The following RASA3 variants were observed in gnomAD, a reference collection of about 807,000 sequenced individuals.
The protein encoded by RASA3 is RAS p21 protein activator 3.
RASA3 carries 73 observed loss-of-function variants against 110.0 expected under a neutral mutation model. The observed-to-expected ratio is 0.66, with a 90% CI of 0.55 to 0.81. RASA3 has a LOEUF of 0.81. RASA3 is among the 30% of genes least tolerant of loss of function. The pLI, the probability that RASA3 is intolerant of heterozygous loss-of-function variation, is 0.00. For synonymous variants in RASA3, 500 were observed against 451.4 expected, an observed-to-expected ratio of 1.11 and a Z score of -1.37; for missense variants, 976 against 1,113.2, an observed-to-expected ratio of 0.88 and a Z score of 1.75.
intron 2 of RASA3, among the ~76,000 whole-genome samples, chr13:114,060,323 T>C (rs577657108): frequency 1.3e-5 from 2 of 152,232 alleles, no homozygotes; most frequent in Non-Finnish European, 2.9e-5. Flanking sequence ...TGCAAGACAC[T>C]GGATGGACGG....
chr13:114,110,185 T>C (rs2080198201), intron 1 of RASA3, among the ~76,000 whole-genome samples: 1 of 151,914 alleles, frequency 6.6e-6, no homozygotes, highest in Admixed American at 6.5e-5. Context: ...AAACAAAAAA[T>C]CTAAGTCAGT....
At chr13:114,049,528 A>G (rs2079108290) in intron 3 of RASA3, among the ~76,000 whole-genome samples, 1 of 152,258 alleles carries the variant, frequency 6.6e-6, no homozygotes, top group Non-Finnish European at 1.5e-5. Flanking sequence ...AAAATTTTTT[A>G]AATTTCTTTT....
At chr13:114,098,865 G>A (rs2079982328) in intron 1 of RASA3, among the ~76,000 whole-genome samples, 1 of 152,188 alleles carries the variant, frequency 6.6e-6, no homozygotes, top group Non-Finnish European at 1.5e-5. Context: ...CTTTGCTTCA[G>A]CAGCACAAGA....
At chr13:114,102,408 G>A (rs866510045) in intron 1 of RASA3, among the ~76,000 whole-genome samples, 1 of 152,100 alleles carries the variant, frequency 6.6e-6, no homozygotes, top group South Asian at 2.1e-4. Flanking sequence ...ACGGTGAGAG[G>A]GAGAGGGACA....
chr13:114,017,370 G>A lies in RASA3; in HGVS notation c.1092-19C>T. On this transcript the variant is annotated intron_variant, in intron 11 of 23. Transcript: ENST00000334062. ...GGGGTCCCTGGGAAATGGCGATGGG[G>A]ACAGCGTTTGTCTCCTGGGGACGCG... The A allele has an allele frequency of 1.9e-6, 3 of 1,595,744 alleles. No homozygotes were observed. The highest frequency in any genetic ancestry group is 1.3e-5 in the African/African-American group (1 of 74,644).
rs1466227862 is a variant in RASA3 at position 114,103,570 on chromosome 13, TCCATGCTGCCACAG to T, written c.55+28851_55+28864del. Among the ~76,000 whole-genome samples, 17 of 57,400 alleles carry T rather than the reference TCCATGCTGCCACAG, an allele frequency of 3.0e-4. 6 individuals carry two copies. The South Asian group carries it at 3.8e-3, about 13-fold the overall frequency. 37.7% of individuals were successfully genotyped at this position (57,400 alleles called of 152,430 possible). ...GCCACAGACACCCACCCCCGATGCG[TCCATGCTGCCACAG>T]CCACGGACACCCACCCCCGATGCGT... On this transcript the variant is annotated intron_variant, in intron 1 of 23. Transcript: ENST00000334062.
intron 2 of RASA3, among the ~76,000 whole-genome samples, chr13:114,062,196 TTTAC>T (rs934080903): frequency 5.9e-5 from 9 of 151,738 alleles, no homozygotes; most frequent in African/African-American, 9.7e-5. Flanking sequence ...GGGTTTTTTT[TTTAC>T]TTACTTATGA....
intron 1 of RASA3, among the ~76,000 whole-genome samples, chr13:114,121,519 G>A (rs545171910): frequency 5.9e-5 from 9 of 152,272 alleles, no homozygotes; most frequent in Admixed American, 2.0e-4. Flanking sequence ...TGCCCCAAAC[G>A]GTCCCAGGGT....
rs147692818 is a variant in RASA3 at position 114,026,747 on chromosome 13, G to A, written c.603+642C>T. ...GGGCCTGTGCACCGGAATGTTTGTGGATGGGAAGAACATCTGCCTAAAGGC... is the reference window on the plus strand; with the variant it reads ...GGGCCTGTGCACCGGAATGTTTGTGAATGGGAAGAACATCTGCCTAAAGGC... On this transcript the variant is annotated intron_variant, in intron 7 of 23. Transcript: ENST00000334062. Among the ~76,000 whole-genome samples, 632 of 152,326 alleles carry A rather than the reference G, an allele frequency of 4.1e-3. 2 individuals are homozygous for A. The highest frequency in any genetic ancestry group is 0.015 in the African/African-American group (604 of 41,574).
rs542447919 is a variant in RASA3 at position 114,068,199 on chromosome 13, G to A, written c.173+5521C>T. Among the ~76,000 whole-genome samples, 368 of 152,312 alleles carry A rather than the reference G, an allele frequency of 2.4e-3. 2 individuals carry two copies. The highest frequency in any genetic ancestry group is 0.012 in the South Asian group (60 of 4,824). ...CATGCAAATGAACCCTGCAAAGGAC[G>A]CAGGAGCAACTCCACAGAAAGGGGG... On this transcript the variant is annotated intron_variant, in intron 2 of 23. Coordinates refer to ENST00000334062, the MANE Select transcript of RASA3 (RefSeq NM_007368.4).
chr13:113,992,703 G>T, intron 21 of RASA3, 115 bp from the exon 22 acceptor site: 1 of 847,530 alleles, frequency 1.2e-6, no homozygotes, highest in Non-Finnish European at 1.9e-6. Context: ...TGTTGGAAGT[G>T]AAATTCGACA....
In RASA3 at chr13:113,996,526, C is replaced by G; in HGVS notation, c.2141+5G>C. 6.2e-7 allele frequency: 1 copy of G among 1,611,194 alleles called. No homozygotes were observed. Among genetic ancestry groups the G allele is most frequent in the Non-Finnish European group, 8.5e-7 (1 of 1,179,406 alleles). The stretch of plus-strand genomic sequence containing the variant: ...CACGAGCTGGGCACCGAGGCACAGA[C>G]CTACCCAGTGCAGGGCGAGCAGCCC... On this transcript the variant is annotated splice_donor_5th_base_variant and intron_variant, in intron 21 of 23. Transcript: ENST00000334062.
chr13:114,081,562 C>CACGACTCCAA (rs1427118190), intron 1 of RASA3, among the ~76,000 whole-genome samples: 4 of 152,196 alleles, frequency 2.6e-5, no homozygotes, highest in Non-Finnish European at 5.9e-5. Context: ...TCCTGAGAAA[C>CACGACTCCAA]ACGACTCCAA....
intron 16 of RASA3, among the ~76,000 whole-genome samples, chr13:114,010,771 G>A (rs1234003598): frequency 1.5e-5 from 2 of 133,164 alleles, no homozygotes; most frequent in Admixed American, 7.6e-5. Flanking sequence ...GAGGTGGGGA[G>A]GAGGGGGCCG....
chr13:114,129,494 C>G (rs1023517088), intron 1 of RASA3, among the ~76,000 whole-genome samples: 1 of 152,154 alleles, frequency 6.6e-6, no homozygotes. Context: ...CCAATGTCAA[C>G]GTCTGAATGA....
Position 114,115,952 on chromosome 13 carries a change from G to A in RASA3, c.55+16483C>T, listed in dbSNP as rs1428012335. Reference sequence around the variant, plus strand: ...GTGAATGGGACATGTGCTCAGAGGCGTCTGCAGTTGAGGCGGGTGACGTTC... The same window carrying A: ...GTGAATGGGACATGTGCTCAGAGGCATCTGCAGTTGAGGCGGGTGACGTTC... On this transcript the variant is annotated intron_variant, in intron 1 of 23. Transcript: ENST00000334062. The surrounding 1 kb of genome is among the most constrained non-coding windows in gnomAD (Gnocchi z 5.0). 1.3e-5 allele frequency among the ~76,000 whole-genome samples: 2 copies of A among 152,260 alleles called. No homozygotes were observed. The highest frequency in any genetic ancestry group is 6.5e-5 in the Admixed American group (1 of 15,294).
rs191543851 is a variant in RASA3 at position 113,995,132 on chromosome 13, T to C, written c.2141+1399A>G. ...GCAGTGAGCAAACTCGGCAGACGTGTTCTCATGGAGATAAATGGCCTGGAA... is the reference window on the plus strand; with the variant it reads ...GCAGTGAGCAAACTCGGCAGACGTGCTCTCATGGAGATAAATGGCCTGGAA... On this transcript the variant is annotated intron_variant, in intron 21 of 23. Transcript: ENST00000334062. Among the ~76,000 whole-genome samples the C allele has an allele frequency of 1.9e-3, 288 of 152,342 alleles. 1 individual carries two copies. The highest frequency in any genetic ancestry group is 6.5e-3 in the African/African-American group (269 of 41,586).
intron 14 of RASA3, among the ~76,000 whole-genome samples, chr13:114,013,993 T>C (rs1486836967): frequency 2.8e-5 from 4 of 144,422 alleles, no homozygotes; most frequent in Non-Finnish European, 6.0e-5. Flanking sequence ...TCTCTCCATC[T>C]CTCTCCGTCT....
intron 21 of RASA3, among the ~76,000 whole-genome samples, chr13:113,992,943 C>T (rs949769006): frequency 3.9e-5 from 6 of 152,228 alleles, no homozygotes; most frequent in Admixed American, 2.6e-4. Flanking sequence ...CCTGAAATCA[C>T]GCAGTACTGA....
Sources: allele counts gnomAD v4.1 joint callset (sites outside exome capture counted in the v4.1 genomes callset), GRCh38; gene constraint gnomAD v4.1.1; non-coding constraint Gnocchi (gnomAD v3.1); transcripts MANE v1.5; gene names NCBI Gene and HGNC (gene_info 2026-07-23, HGNC 2026-07-21).